OR5V1: variants seen among roughly 807,000 people sequenced by gnomAD.
OR5V1 encodes the protein olfactory receptor family 5 subfamily V member 1.
For missense variants in OR5V1, 365 were observed against 371.5 expected (o/e 0.98, Z 0.14); for synonymous variants, 134 against 143.2 (o/e 0.94, Z 0.46).
rs752472100 is a variant in OR5V1, at chr6:29,355,400, A to T, written c.796T>A (p.Tyr266Asn). Residue 266 changes from tyrosine (Y) to asparagine (N), a missense_variant, in exon 2 of 2, where the codon TAC (tyrosine) becomes AAC (asparagine). Transcript: ENST00000641768. ...ACCAACCTATCTTTCTTTAATGAGT[A>T]AGTTGAGATGGGCCGTACATATGTA... Reference protein sequence around the residue: ...IFTYVRPISTYSLKKDRLVSV... With the variant: ...IFTYVRPISTNSLKKDRLVSV... 2.5e-6 allele frequency: 4 copies of T among 1,614,000 alleles called. No individual in the cohort carries two copies. The highest frequency in any genetic ancestry group is 3.4e-6 in the Non-Finnish European group (4 of 1,179,880).
Position 29,355,530 on chromosome 6 carries a change from G to C in OR5V1, c.666C>G (p.Ile222Met), listed in dbSNP as rs1162513405. ...LCIVLSYICIISTILRIQSSE... is the reference protein window; with the variant it reads ...LCIVLSYICIMSTILRIQSSE... ...AGGACTGGATCCTCAAGATGGTGGA[G>C]ATTATGCAAATGTAGGAAAGTACGA... Residue 222 changes from isoleucine (I) to methionine (M), a missense_variant, in exon 2 of 2, where the codon ATC becomes ATG. Ile to Met is a conservative substitution (Grantham distance 10). Transcript: ENST00000641768. The C allele has an allele frequency of 6.2e-7, 1 of 1,613,854 alleles. No homozygotes were observed. Among genetic ancestry groups the C allele is most frequent in the Non-Finnish European group, 8.5e-7 (1 of 1,179,894 alleles).
At chr6:29,359,668 G>A (rs530651232) in intron 1 of OR5V1, among the ~76,000 whole-genome samples, 128 of 152,300 alleles carry the variant, frequency 8.4e-4, no homozygotes, top group African/African-American at 2.9e-3. Flanking sequence ...CAGAAGCATG[G>A]TGTGGCATCG....
At position 29,355,708 on chromosome 6, in the gene OR5V1, G is replaced by T. The variant is rs1273603393; in HGVS notation, c.488C>A (p.Thr163Lys). Residue 163 changes from threonine (T) to lysine (K), a missense_variant, in exon 2 of 2, where the codon ACA becomes AAA. By Grantham distance (78) the Thr-to-Lys change is moderately conservative. Coordinates refer to ENST00000641768, the MANE Select transcript of OR5V1 (RefSeq NM_030876.6). ...FLNSVVHTVL[T>K]FCLPFCGNNQ... ...GTTGCCACAGAAGGGCAGGCAGAAT[G>T]TCAACACTGTATGCACCACTGAGTT... The T allele has an allele frequency of 1.2e-6, 2 of 1,614,040 alleles. No homozygotes were observed. The highest frequency in any genetic ancestry group is 2.2e-5 in the South Asian group (2 of 91,088).
Position 29,363,298 on chromosome 6 carries a change from C to T in OR5V1, c.-83+5334G>A, listed in dbSNP as rs140393433. Among the ~76,000 whole-genome samples the T allele has an allele frequency of 1.7e-3, 265 of 152,140 alleles. 1 individual carries two copies. The highest frequency in any genetic ancestry group is 6.2e-3 in the African/African-American group (258 of 41,482). On this transcript the variant is annotated intron_variant, in intron 1 of 1. Transcript: ENST00000641768. Reference sequence around the variant, plus strand: ...CCAATAACAAGTACTGAAATTGAGGCAGTAATTAGTAGCCTAAAAAAACAA... The same window carrying T: ...CCAATAACAAGTACTGAAATTGAGGTAGTAATTAGTAGCCTAAAAAAACAA...
In OR5V1 at chr6:29,355,064, C is replaced by A; in HGVS notation, c.*166G>T. The A allele has an allele frequency of 1.9e-6, 1 of 533,492 alleles. No homozygotes were observed. The highest frequency in any genetic ancestry group is 3.1e-6 in the Non-Finnish European group (1 of 323,632). The allele number at this position is 533,492 out of a possible 1,614,324, so 33.0% of individuals were successfully genotyped here. Reference sequence around the variant, plus strand: ...TATCTAAAGAGAGCAACATTGATATCTCTCATAGAACTAACTAAAGCTCAA... The same window carrying A: ...TATCTAAAGAGAGCAACATTGATATATCTCATAGAACTAACTAAAGCTCAA... On this transcript the variant is annotated 3_prime_UTR_variant, in exon 2 of 2. Coordinates refer to ENST00000641768, the MANE Select transcript of OR5V1 (RefSeq NM_030876.6).
chr6:29,368,334 A>G (rs1038170979), intron 1 of OR5V1, among the ~76,000 whole-genome samples: 5 of 152,298 alleles, frequency 3.3e-5, no homozygotes, highest in Non-Finnish European at 7.4e-5. Flanking sequence ...CTCTTTTTGC[A>G]GAATAAATAC....
chr6:29,360,634 A>C (rs1778523942), intron 1 of OR5V1, among the ~76,000 whole-genome samples: 1 of 152,220 alleles, frequency 6.6e-6, no homozygotes, highest in African/African-American at 2.4e-5. Context: ...TCAGGCAAAT[A>C]GGGTCTGGAG....
intron 1 of OR5V1, among the ~76,000 whole-genome samples, chr6:29,364,244 G>C (rs568758632): frequency 1.3e-5 from 2 of 152,220 alleles, no homozygotes; most frequent in South Asian, 4.1e-4. Context: ...CAAGGGATGT[G>C]ATGGACCTCT....
At chr6:29,356,917 AG>A (rs1287998308) in intron 1 of OR5V1, among the ~76,000 whole-genome samples, 3 of 152,188 alleles carry the variant, frequency 2.0e-5, no homozygotes, top group African/African-American at 4.8e-5. Context: ...GTTGTATTCA[AG>A]TATTTGTATG....
intron 1 of OR5V1, among the ~76,000 whole-genome samples, chr6:29,366,637 T>TAGAA (rs9280596): frequency 0.98 from 148,384 of 152,150 alleles, 72,393 homozygotes; most frequent in East Asian, 1. Context: ...AGCATAAAAG[T>TAGAA]AGAAATTCAA....
In OR5V1 at chr6:29,366,717, G is replaced by T. The variant is rs563578890; in HGVS notation, c.-83+1915C>A. ...AAAAGAACTGTTTGTGAAAATAAGG[G>T]GCCCCATTTTTCTTGCCAGACCATT... On this transcript the variant is annotated intron_variant, in intron 1 of 1. Coordinates refer to ENST00000641768, the MANE Select transcript of OR5V1 (RefSeq NM_030876.6). Among the ~76,000 whole-genome samples, 3 of 152,194 alleles carry T rather than the reference G, an allele frequency of 2.0e-5. No individual in the cohort carries two copies. The East Asian group carries it at 5.8e-4, about 29-fold the overall frequency.
intron 1 of OR5V1, among the ~76,000 whole-genome samples, chr6:29,360,871 A>T (rs1042683864): frequency 2.6e-5 from 4 of 152,160 alleles, no homozygotes; most frequent in South Asian, 2.1e-4. Flanking sequence ...CTAGAGAAAA[A>T]TGTCTTTTCT....
intron 1 of OR5V1, among the ~76,000 whole-genome samples, chr6:29,360,922 G>A (rs1778537157): frequency 6.6e-6 from 1 of 152,148 alleles, no homozygotes; most frequent in South Asian, 2.1e-4. Context: ...GCACAAAACT[G>A]GGCAGAGAAT....
At chr6:29,368,282 G>A (rs986441576) in intron 1 of OR5V1, among the ~76,000 whole-genome samples, 5 of 152,186 alleles carry the variant, frequency 3.3e-5, no homozygotes, top group African/African-American at 9.6e-5. Flanking sequence ...CACACGAAGT[G>A]TGTTCCTGAT....
At chr6:29,363,961 G>T (rs2151278609) in intron 1 of OR5V1, among the ~76,000 whole-genome samples, 1 of 152,008 alleles carries the variant, frequency 6.6e-6, no homozygotes, top group Admixed American at 6.5e-5. Flanking sequence ...TCAGGCAAGA[G>T]AAAGAAATAA....
chr6:29,361,158 G>T (rs1778547786), intron 1 of OR5V1, among the ~76,000 whole-genome samples: 1 of 152,046 alleles, frequency 6.6e-6, no homozygotes, highest in Non-Finnish European at 1.5e-5. Flanking sequence ...TAGCTGAATT[G>T]ATCAACCAGA....
intron 1 of OR5V1, among the ~76,000 whole-genome samples, chr6:29,364,972 C>A (rs9257787): frequency 0.018 from 2,763 of 151,742 alleles, 35 homozygotes; most frequent in East Asian, 0.032. Flanking sequence ...CATCTACAAC[C>A]TGACAAACCT....
intron 1 of OR5V1, among the ~76,000 whole-genome samples, chr6:29,358,345 A>C (rs1280437336): frequency 6.6e-6 from 1 of 152,178 alleles, no homozygotes; most frequent in Non-Finnish European, 1.5e-5. Context: ...AAAAAAGGGA[A>C]CTGGCACAGT....
rs893914289 is a variant in OR5V1 at position 29,368,643 on chromosome 6, G to A, written c.-94C>T. 1.3e-5 allele frequency: 2 copies of A among 152,182 alleles called. No individual in the cohort carries two copies. Among genetic ancestry groups the A allele is most frequent in the East Asian group, 3.9e-4 (2 of 5,194 alleles). 9.4% of individuals were successfully genotyped at this position (152,182 alleles called of 1,614,324 possible). Reference sequence around the variant, plus strand: ...ACTTACTCACTCACCTGTGATTGGAGATATTGAGCAGAGATTACCATTCAG... The same window carrying A: ...ACTTACTCACTCACCTGTGATTGGAAATATTGAGCAGAGATTACCATTCAG... On this transcript the variant is annotated 5_prime_UTR_variant, in exon 1 of 2. Coordinates refer to ENST00000641768, the MANE Select transcript of OR5V1 (RefSeq NM_030876.6).
Sources: allele counts gnomAD v4.1 joint callset (sites outside exome capture counted in the v4.1 genomes callset), GRCh38; gene constraint gnomAD v4.1.1; transcripts MANE v1.5; gene names NCBI Gene and HGNC (gene_info 2026-07-23, HGNC 2026-07-21).